The following FSTL5 variants were observed in gnomAD, a reference collection of about 807,000 sequenced individuals.
FSTL5 encodes follistatin-related protein 5.
FSTL5 carries 62 observed loss-of-function variants against 89.1 expected under a neutral mutation model. The observed-to-expected ratio is 0.70, with a 90% CI of 0.57 to 0.86. The LOEUF is 0.86. Among genes scored for constraint, FSTL5 ranks in the 40% least tolerant of loss-of-function variants. FSTL5 has a pLI of 0.00. For synonymous variants in FSTL5, 383 were observed against 346.2 expected, an observed-to-expected ratio of 1.11 and a Z score of -1.18; for missense variants, 1,057 against 1,001.6, an observed-to-expected ratio of 1.06 and a Z score of -0.75.
intron 4 of FSTL5, among the ~76,000 whole-genome samples, chr4:161,906,345 T>C (rs888516006): frequency 5.9e-5 from 9 of 152,110 alleles, no homozygotes; most frequent in African/African-American, 1.9e-4. Flanking sequence ...GGCAAGTAGT[T>C]TGGTGAAAAG....
intron 3 of FSTL5, among the ~76,000 whole-genome samples, chr4:162,026,061 G>A (rs774829606): frequency 6.0e-5 from 9 of 149,956 alleles, no homozygotes; most frequent in Admixed American, 2.7e-4. Flanking sequence ...AAAAAAAAAC[G>A]GAAATGTGAT....
intron 3 of FSTL5, among the ~76,000 whole-genome samples, chr4:161,924,599 G>C (rs1734075535): frequency 6.6e-6 from 1 of 151,656 alleles, no homozygotes; most frequent in African/African-American, 2.4e-5. Context: ...GAGAGACTAA[G>C]ATTTAGGGGG....
chr4:161,720,633 A>T (rs1265178241), intron 6 of FSTL5, among the ~76,000 whole-genome samples: 1 of 152,204 alleles, frequency 6.6e-6, no homozygotes, highest in Non-Finnish European at 1.5e-5. Flanking sequence ...TTTATGGATG[A>T]GTAAATAACG....
At chr4:162,145,982 A>G (rs1732958759) in intron 1 of FSTL5, among the ~76,000 whole-genome samples, 2 of 152,194 alleles carry the variant, frequency 1.3e-5, no homozygotes, top group African/African-American at 4.8e-5. Context: ...TTTATGCAAT[A>G]CTTAGGAGGA....
rs184478052 is a variant in FSTL5 at position 161,642,108 on chromosome 4, A to C, written c.894+14220T>G. 1.4e-3 allele frequency among the ~76,000 whole-genome samples: 218 copies of C among 152,306 alleles called. 1 individual carries two copies. The highest frequency in any genetic ancestry group is 5.0e-3 in the African/African-American group (209 of 41,578). ...GCTTGATGATTCGATATATGTGTAC[A>C]TTGTGAAATATTGCCACAATCAAGT... On this transcript the variant is annotated intron_variant, in intron 7 of 15. Transcript: ENST00000306100.
chr4:161,728,837 A>G (rs1439357767), intron 6 of FSTL5, among the ~76,000 whole-genome samples: 3 of 152,164 alleles, frequency 2.0e-5, no homozygotes, highest in Non-Finnish European at 4.4e-5. Context: ...TTTTCAAATT[A>G]ATAGGTATTA....
chr4:161,638,387 A>T (rs1334896711), intron 7 of FSTL5, among the ~76,000 whole-genome samples: 2 of 152,090 alleles, frequency 1.3e-5, no homozygotes, highest in South Asian at 4.1e-4. Flanking sequence ...GGTTTTCTAG[A>T]TATACAACCA....
Position 161,608,139 on chromosome 4 carries a change from T to G in FSTL5, c.895-20564A>C, listed in dbSNP as rs369008331. ...ACATCTGCTCACTCTACCTCACAAG[T>G]AGATATCAGGAGCAAATTAAATGAC... is the stretch of plus-strand genomic sequence containing the variant. On this transcript the variant is annotated intron_variant, in intron 7 of 15. Coordinates refer to ENST00000306100, the MANE Select transcript of FSTL5 (RefSeq NM_020116.5). Among the ~76,000 whole-genome samples, 57 of 152,222 alleles carry G rather than the reference T, an allele frequency of 3.7e-4. No homozygotes were observed. The East Asian group carries it at 6.4e-3, about 17-fold the overall frequency.
rs540250391 is a variant in FSTL5, at chr4:161,404,290, G to A, written c.1842-17841C>T. Among the ~76,000 whole-genome samples, 13 of 152,228 alleles carry A rather than the reference G, an allele frequency of 8.5e-5. No individual in the cohort carries two copies. The East Asian group carries it at 2.3e-3, about 27-fold the overall frequency. ...AATTGGGCCAATCAGTAGACACATT[G>A]GAAGCCCTGACAAAAAATTCTCAGG... On this transcript the variant is annotated intron_variant, in intron 15 of 15. Transcript: ENST00000306100.
chr4:161,990,441 G>C (rs1285354882), intron 3 of FSTL5, among the ~76,000 whole-genome samples: 1 of 151,858 alleles, frequency 6.6e-6, no homozygotes, highest in African/African-American at 2.4e-5. Context: ...TTTTAAATAT[G>C]AATAAATTAT....
At chr4:161,999,945 T>C (rs1231038107) in intron 3 of FSTL5, among the ~76,000 whole-genome samples, 1 of 152,182 alleles carries the variant, frequency 6.6e-6, no homozygotes, top group Non-Finnish European at 1.5e-5. Context: ...TAAACACAAG[T>C]AAAAGTTTTT....
chr4:161,942,993 C>T (rs999988197), intron 3 of FSTL5, among the ~76,000 whole-genome samples: 4 of 151,936 alleles, frequency 2.6e-5, no homozygotes, highest in African/African-American at 9.7e-5. Flanking sequence ...AACACATTAT[C>T]GACACTGAGA....
At chr4:162,085,084 T>G (rs1402328705) in intron 2 of FSTL5, among the ~76,000 whole-genome samples, 2 of 152,016 alleles carry the variant, frequency 1.3e-5, no homozygotes, top group Non-Finnish European at 2.9e-5. Flanking sequence ...GTTTAAAAAA[T>G]TGGGAAACTT....
chr4:161,410,875 A>C (rs543919691), intron 15 of FSTL5, among the ~76,000 whole-genome samples: 6 of 152,090 alleles, frequency 3.9e-5, no homozygotes, highest in Non-Finnish European at 8.8e-5. Context: ...GAAATAACTA[A>C]AATTAGAGAA....
intron 6 of FSTL5, among the ~76,000 whole-genome samples, chr4:161,750,813 AG>A (rs1272045842): frequency 6.6e-6 from 1 of 152,198 alleles, no homozygotes; most frequent in African/African-American, 2.4e-5. Context: ...ATCAGTGGAA[AG>A]AAATTTTAGG....
chr4:161,487,497 A>G (rs1729718040), intron 12 of FSTL5, among the ~76,000 whole-genome samples: 1 of 152,092 alleles, frequency 6.6e-6, no homozygotes, highest in Non-Finnish European at 1.5e-5. Flanking sequence ...TGATCAGTAG[A>G]CCTATCTACT....
intron 15 of FSTL5, among the ~76,000 whole-genome samples, chr4:161,422,544 G>T (rs1258748588): frequency 6.6e-6 from 1 of 152,140 alleles, no homozygotes; most frequent in African/African-American, 2.4e-5. Flanking sequence ...TGATGATGGT[G>T]CCAAGAGAAC....
At chr4:161,639,554 A>C (rs1735870098) in intron 7 of FSTL5, among the ~76,000 whole-genome samples, 1 of 152,202 alleles carries the variant, frequency 6.6e-6, no homozygotes, top group South Asian at 2.1e-4. Flanking sequence ...GTGGAGTACA[A>C]AGCACCAGGA....
intron 4 of FSTL5, among the ~76,000 whole-genome samples, chr4:161,873,677 T>C (rs1206176223): frequency 6.6e-6 from 1 of 150,592 alleles, no homozygotes; most frequent in East Asian, 1.9e-4. Context: ...ACATTTCCTA[T>C]ATTTTGAAGC....
Sources: allele counts gnomAD v4.1 joint callset (sites outside exome capture counted in the v4.1 genomes callset), GRCh38; gene constraint gnomAD v4.1.1; transcripts MANE v1.5; gene names NCBI Gene and HGNC (gene_info 2026-07-23, HGNC 2026-07-21).